The following RIN2 variants were observed in gnomAD, a reference collection of about 807,000 sequenced individuals.
RIN2 encodes RAB5 interacting protein 2.
Under a neutral mutation model 78.0 loss-of-function variants are expected in RIN2, and 36 were observed. The ratio of observed to expected loss-of-function variants is 0.46; its 90% confidence interval spans 0.35 to 0.61. The LOEUF (loss-of-function observed/expected upper bound fraction) is 0.61, where lower values mean the gene tolerates loss of function less well. Ranked by LOEUF, RIN2 falls within the 20% of genes least tolerant of loss-of-function variation. The pLI is 0.00. For synonymous variants in RIN2, 466 were observed against 466.8 expected (o/e 1.00, Z 0.02); for missense variants, 1,087 against 1,159.7 (o/e 0.94, Z 0.91).
chr20:19,970,041 T>C (rs1057050083), intron 7 of RIN2, among the ~76,000 whole-genome samples: 1 of 152,244 alleles, frequency 6.6e-6, no homozygotes, highest in African/African-American at 2.4e-5. Flanking sequence ...CTGTTGGGTC[T>C]GTTGCTCTCT....
chr20:19,988,442 A>G (rs909102292), intron 9 of RIN2, among the ~76,000 whole-genome samples: 2 of 152,138 alleles, frequency 1.3e-5, no homozygotes, highest in African/African-American at 2.4e-5. Flanking sequence ...TTCTGATCTT[A>G]TATGTAAGTG....
At chr20:19,927,508 A>ACCTG (rs2040271446) in intron 3 of RIN2, among the ~76,000 whole-genome samples, 1 of 151,408 alleles carries the variant, frequency 6.6e-6, no homozygotes, top group Admixed American at 6.6e-5. Context: ...TCTGTCTCCC[A>ACCTG]GGTTCAAGTA....
At position 19,820,873 on chromosome 20, in the gene RIN2, A is replaced by G. The variant is rs113765830; in HGVS notation, c.-37+21126A>G. 7.7e-3 allele frequency among the ~76,000 whole-genome samples: 1,179 copies of G among 152,302 alleles called. 14 individuals carry two copies. Among genetic ancestry groups the G allele is most frequent in the African/African-American group, 0.026 (1,099 of 41,572 alleles). The stretch of plus-strand genomic sequence containing the variant: ...GTTGTGGAGCAAGCAGACCTAATTT[A>G]CAGCATTTGCTGACTTCCATGCGGT... On this transcript the variant is annotated intron_variant, in intron 2 of 12. Coordinates refer to ENST00000255006, the MANE Select transcript of RIN2 (RefSeq NM_018993.4).
In RIN2 at chr20:19,992,207, C is replaced by T; in HGVS notation, c.2108C>T (p.Thr703Ile). Residue 703 changes from threonine (T) to isoleucine (I), a missense_variant, in exon 11 of 13, where the codon ACC becomes ATC. Physicochemically the swap from Thr to Ile is moderately conservative, Grantham distance 89 (BLOSUM62 -1). Transcript: ENST00000255006. ...GCTGATGACTTCTTGCCAGTCCTGACCTATGTCATAGCCCAGTGTGACATG... is the reference window on the plus strand; with the variant it reads ...GCTGATGACTTCTTGCCAGTCCTGATCTATGTCATAGCCCAGTGTGACATG... ...YGADDFLPVL[T>I]YVIAQCDMLE... The T allele has an allele frequency of 6.2e-7, 1 of 1,612,426 alleles. No individual in the cohort carries two copies. Among genetic ancestry groups the T allele is most frequent in the Non-Finnish European group, 8.5e-7 (1 of 1,179,318 alleles).
At chr20:19,912,457 TTTTTTC>T (rs1182971523) in intron 3 of RIN2, among the ~76,000 whole-genome samples, 1,745 of 147,008 alleles carry the variant, frequency 0.012, 40 homozygotes, top group African/African-American at 0.043. Flanking sequence ...TGGTCATTTC[TTTTTTC>T]TTTTTCTTTT....
intron 3 of RIN2, among the ~76,000 whole-genome samples, chr20:19,903,003 G>A (rs6106152): frequency 0.36 from 54,984 of 151,686 alleles, 9,848 homozygotes; most frequent in Admixed American, 0.38. Context: ...TGAGGCAGGA[G>A]AATGGCATGA....
intron 1 of RIN2, among the ~76,000 whole-genome samples, chr20:19,769,791 C>A (rs1237074610): frequency 6.6e-6 from 1 of 152,128 alleles, no homozygotes; most frequent in Non-Finnish European, 1.5e-5. Flanking sequence ...TGTTTCAAGA[C>A]CTCAGGAGGT....
intron 1 of RIN2, among the ~76,000 whole-genome samples, chr20:19,759,043 C>G (rs2033514827): frequency 6.6e-6 from 1 of 152,332 alleles, no homozygotes; most frequent in African/African-American, 2.4e-5. Context: ...CTCCCCGCCC[C>G]CTTCTGGGCT....
chr20:19,920,762 C>T (rs1017646718), intron 3 of RIN2, among the ~76,000 whole-genome samples: 2 of 152,270 alleles, frequency 1.3e-5, no homozygotes, highest in African/African-American at 4.8e-5. Flanking sequence ...TGGCAACCTC[C>T]ACCCCCCAAG....
intron 2 of RIN2, among the ~76,000 whole-genome samples, chr20:19,828,144 A>AG (rs1225633530): frequency 2.6e-5 from 4 of 152,204 alleles, no homozygotes; most frequent in African/African-American, 9.6e-5. Context: ...GATGGGAACG[A>AG]GGGCACTTTT....
intron 1 of RIN2, among the ~76,000 whole-genome samples, chr20:19,775,967 T>C (rs1311792782): frequency 6.6e-6 from 1 of 152,252 alleles, no homozygotes; most frequent in East Asian, 1.9e-4. Flanking sequence ...ACAAATATTT[T>C]TGTGATGTGT....
intron 4 of RIN2, among the ~76,000 whole-genome samples, chr20:19,951,391 G>A (rs572400062): frequency 9.9e-5 from 15 of 152,242 alleles, no homozygotes; most frequent in Admixed American, 9.8e-4. Context: ...ATACATTCAG[G>A]TGAGTCATAT....
intron 3 of RIN2, among the ~76,000 whole-genome samples, chr20:19,912,744 G>T (rs2036236672): frequency 6.6e-6 from 1 of 152,132 alleles, no homozygotes; most frequent in South Asian, 2.1e-4. Context: ...CTCCCAAAGT[G>T]CTGGGATTAC....
chr20:19,980,249 T>G (rs2042404933), intron 9 of RIN2, among the ~76,000 whole-genome samples: 1 of 152,166 alleles, frequency 6.6e-6, no homozygotes. Flanking sequence ...ATACCTATAT[T>G]ATTTCCAAAA....
intron 5 of RIN2, among the ~76,000 whole-genome samples, chr20:19,957,982 TAGAAACTA>T (rs2041609092): frequency 6.6e-6 from 1 of 152,160 alleles, no homozygotes; most frequent in Non-Finnish European, 1.5e-5. Context: ...CAACACAAGA[TAGAAACTA>T]AGAACTAGAT....
chr20:19,847,608 G>A (rs1353038674), intron 2 of RIN2, among the ~76,000 whole-genome samples: 5 of 152,164 alleles, frequency 3.3e-5, no homozygotes, highest in Non-Finnish European at 7.3e-5. Context: ...TGTGGCTTGT[G>A]TGAACTGAGA....
Position 19,816,468 on chromosome 20 carries a change from C to T in RIN2, c.-37+16721C>T, listed in dbSNP as rs138523299. Among the ~76,000 whole-genome samples the T allele has an allele frequency of 6.1e-4, 93 of 152,276 alleles. 1 individual carries two copies. The highest frequency in any genetic ancestry group is 2.1e-3 in the African/African-American group (89 of 41,550). The stretch of plus-strand genomic sequence containing the variant: ...AATTGGAGCAGTTTAAGAGCAGGGA[C>T]AAATGGTTAACCAGTTAAATAAGCC... On this transcript the variant is annotated intron_variant, in intron 2 of 12. Transcript: ENST00000255006.
chr20:19,882,123 G>A (rs548189367), intron 2 of RIN2, among the ~76,000 whole-genome samples: 2 of 152,268 alleles, frequency 1.3e-5, no homozygotes, highest in South Asian at 4.1e-4. Context: ...AAGAAAACCT[G>A]ATGACAGCTG....
chr20:19,827,768 T>C (rs2036137723), intron 2 of RIN2, among the ~76,000 whole-genome samples: 1 of 151,752 alleles, frequency 6.6e-6, no homozygotes, highest in Admixed American at 6.6e-5. Context: ...AATTAATTGC[T>C]CCCATTGTCA....
Sources: allele counts gnomAD v4.1 joint callset (sites outside exome capture counted in the v4.1 genomes callset), GRCh38; gene constraint gnomAD v4.1.1; transcripts MANE v1.5; gene names NCBI Gene and HGNC (gene_info 2026-07-23, HGNC 2026-07-21).